The following TDRD6 variants were observed in gnomAD, a reference collection of about 807,000 sequenced individuals.
TDRD6 encodes tudor domain containing 6.
In TDRD6, 186 loss-of-function variants were observed where a neutral mutation model predicts 157.5. That is an observed-to-expected ratio of 1.18 (90% CI 1.05 to 1.33). The LOEUF is 1.33. Ranked by LOEUF, TDRD6 falls within the 40% of genes most tolerant of loss-of-function variation. TDRD6 has a pLI of 0.00. For synonymous variants in TDRD6, 1,075 were observed against 945.2 expected (o/e 1.14, Z -2.52); for missense variants, 3,066 against 2,508.0 (o/e 1.22, Z -4.75).
chr6:46,701,279 A>G (rs1013547077), intron 3 of TDRD6, among the ~76,000 whole-genome samples: 5 of 152,178 alleles, frequency 3.3e-5, no homozygotes, highest in Non-Finnish European at 7.4e-5. Flanking sequence ...AAATTTATTA[A>G]TTGAATTAAT....
In TDRD6 at chr6:46,703,694, T is replaced by C. The variant is rs774764265; in HGVS notation, c.*1807T>C. On this transcript the variant is annotated 3_prime_UTR_variant, in exon 4 of 4. Transcript: ENST00000316081. ...TTTTTACCTCCATTTAATCGTGTTA[T>C]TCTGTTTTACTACTACATATAGAAT... The C allele has an allele frequency of 5.3e-5, 8 of 152,122 alleles. No homozygotes were observed. Among genetic ancestry groups the C allele is most frequent in the Non-Finnish European group, 1.0e-4 (7 of 67,974 alleles). The allele number at this position is 152,122 out of a possible 1,614,324, so 9.4% of individuals were successfully genotyped here. A position where few individuals can be genotyped will look rare whatever the true frequency, so the allele number is the denominator to read the frequency against.
upstream of TDRD6, among the ~76,000 whole-genome samples, chr6:46,687,325 A>G (rs899249558): frequency 6.6e-6 from 1 of 152,196 alleles, no homozygotes; most frequent in Non-Finnish European, 1.5e-5. Flanking sequence ...AGGAACCCGT[A>G]TCAGCTAAGT....
At position 46,692,304 on chromosome 6, in the gene TDRD6, T is replaced by C. The variant is rs199632419; in HGVS notation, c.4176T>C (p.Asn1392=). The change falls in exon 1 of 4, where the codon AAT becomes AAC. Residue 1392 remains asparagine, a synonymous_variant. Transcript: ENST00000316081. Reference sequence around the variant, plus strand: ...CTGTGCAGTTTATAGATTATGGCAATGTTTCTGTGGTTCATACTAACAAAA... The same window carrying C: ...CTGTGCAGTTTATAGATTATGGCAACGTTTCTGTGGTTCATACTAACAAAA... ...LLSVQFIDYG[N]VSVVHTNKIG... 6.2e-7 allele frequency: 1 copy of C among 1,614,180 alleles called. No homozygotes were observed.
At chr6:46,684,365 T>TTGTGTGTGTG (rs56327636), upstream of TDRD6, among the ~76,000 whole-genome samples, 40 of 147,092 alleles carry the variant, frequency 2.7e-4, no homozygotes, top group South Asian at 3.5e-3. Flanking sequence ...AAGCACACAT[T>TTGTGTGTGTG]TGTGTGTGTG....
At position 46,692,220 on chromosome 6, in the gene TDRD6, A is replaced by G. The variant is rs1764351642; in HGVS notation, c.4092A>G (p.Pro1364=). ...GAGATATGATATGTGCTGTTTTCCCAGAAGATAATTTATGGTATCGTGCTG... is the reference window on the plus strand; with the variant it reads ...GAGATATGATATGTGCTGTTTTCCCGGAAGATAATTTATGGTATCGTGCTG... ...QRGDMICAVF[P]EDNLWYRAVI... The change falls in exon 1 of 4, where the codon CCA becomes CCG. Residue 1364 remains proline (P), a synonymous_variant. Coordinates refer to ENST00000316081, the MANE Select transcript of TDRD6 (RefSeq NM_001010870.3). 3.1e-6 allele frequency: 5 copies of G among 1,614,142 alleles called. No homozygotes were observed. Among genetic ancestry groups the G allele is most frequent in the Non-Finnish European group, 4.2e-6 (5 of 1,179,984 alleles).
rs775671840 is a variant in TDRD6 at position 46,688,900 on chromosome 6, C to T, written c.772C>T (p.Gln258Ter). The part of the protein sequence containing the change: ...LGVTEAVVIT[Q>*]VCHPHRIHCQ... ...CGTGACGGAGGCCGTGGTCATAACC[C>T]AAGTGTGCCATCCCCACCGCATTCA... Residue 258 changes from glutamine to a stop codon, truncating the protein, a stop_gained, in exon 1 of 4, where the codon CAA (glutamine) becomes TAA (stop). Coordinates refer to ENST00000316081, the MANE Select transcript of TDRD6 (RefSeq NM_001010870.3). LOFTEE classifies it high-confidence loss of function. 6.2e-7 allele frequency: 1 copy of T among 1,607,188 alleles called. No homozygotes were observed. The highest frequency in any genetic ancestry group is 8.5e-7 in the Non-Finnish European group (1 of 1,175,736).
rs1377948872 is a variant in TDRD6 at position 46,690,865 on chromosome 6, G to T, written c.2737G>T (p.Ala913Ser). The T allele has an allele frequency of 1.9e-6, 3 of 1,613,440 alleles. No individual in the cohort carries two copies. Among genetic ancestry groups the T allele is most frequent in the Non-Finnish European group, 1.7e-6 (2 of 1,179,878 alleles). The change falls in exon 1 of 4, where the codon GCA becomes TCA. Residue 913 changes from alanine (A) to serine (S), a missense_variant. Ala to Ser is a moderately conservative substitution (Grantham distance 99). Coordinates refer to ENST00000316081, the MANE Select transcript of TDRD6 (RefSeq NM_001010870.3). ...IQAFNEFIDN[A>S]WQKNLELKCT... ...AGCTTTCAATGAATTTATAGATAAT[G>T]CATGGCAAAAAAATCTAGAATTAAA... is the stretch of plus-strand genomic sequence containing the variant.
At position 46,692,229 on chromosome 6, in the gene TDRD6, T is replaced by G; in HGVS notation, c.4101T>G (p.Asn1367Lys). 1.2e-6 allele frequency: 2 copies of G among 1,614,102 alleles called. No homozygotes were observed. Among genetic ancestry groups the G allele is most frequent in the Non-Finnish European group, 1.7e-6 (2 of 1,179,992 alleles). The change falls in exon 1 of 4, where the codon AAT becomes AAG. Residue 1367 changes from asparagine to lysine, a missense_variant. Coordinates refer to ENST00000316081, the MANE Select transcript of TDRD6 (RefSeq NM_001010870.3). Reference sequence around the variant, plus strand: ...TATGTGCTGTTTTCCCAGAAGATAATTTATGGTATCGTGCTGTGATCAAGG... The same window carrying G: ...TATGTGCTGTTTTCCCAGAAGATAAGTTATGGTATCGTGCTGTGATCAAGG... ...DMICAVFPEDNLWYRAVIKEQ... is the reference protein window; with the variant it reads ...DMICAVFPEDKLWYRAVIKEQ...
rs202197519 is a variant in TDRD6 at position 46,689,777 on chromosome 6, A to G, written c.1649A>G (p.Asn550Ser). The G allele has an allele frequency of 2.1e-4, 332 of 1,614,042 alleles. No homozygotes were observed. The highest frequency in any genetic ancestry group is 2.6e-4 in the Non-Finnish European group (301 of 1,180,042). Residue 550 changes from asparagine to serine, a missense_variant, in exon 1 of 4, where the codon AAT becomes AGT. Physicochemically the swap from Asn to Ser is conservative, Grantham distance 46. Coordinates refer to ENST00000316081, the MANE Select transcript of TDRD6 (RefSeq NM_001010870.3). ...DDLCCVKWKE[N>S]GYYRAIVTKL... ...CTTTGCTGTGTCAAGTGGAAAGAAA[A>G]TGGTTATTATAGGGCCATAGTCACC...
rs747675927 is a variant in TDRD6 at position 46,690,092 on chromosome 6, A to C, written c.1964A>C (p.Asn655Thr). 6.2e-7 allele frequency: 1 copy of C among 1,613,996 alleles called. No homozygotes were observed. The highest frequency in any genetic ancestry group is 1.7e-5 in the Admixed American group (1 of 59,998). The change falls in exon 1 of 4, where the codon AAC (asparagine) becomes ACC (threonine). Residue 655 changes from asparagine to threonine, a missense_variant. By Grantham distance (65) the Asn-to-Thr change is moderately conservative. Transcript: ENST00000316081. ...ILDESRTGEE[N>T]ISKVIAQAGY... ...GACGAATCAAGAACAGGGGAAGAAA[A>C]CATTAGTAAGGTAATTGCCCAAGCT...
rs1221439239 is a variant in TDRD6, at chr6:46,690,803, G to A, written c.2675G>A (p.Gly892Asp). 5 of 1,613,902 alleles carry A rather than the reference G, an allele frequency of 3.1e-6. No homozygotes were observed. Among genetic ancestry groups the A allele is most frequent in the Non-Finnish European group, 4.2e-6 (5 of 1,180,004 alleles). ...CSLYNLIQPVGQNPFVWDVKA... is the reference protein window; with the variant it reads ...CSLYNLIQPVDQNPFVWDVKA... The stretch of plus-strand genomic sequence containing the variant: ...CTTTATAATTTAATTCAACCAGTTG[G>A]CCAGAATCCCTTTGTTTGGGATGTA... Residue 892 changes from glycine to aspartate, a missense_variant, in exon 1 of 4, where the codon GGC becomes GAC. By Grantham distance (94) the Gly-to-Asp change is moderately conservative (BLOSUM62 -1). Transcript: ENST00000316081.
At chr6:46,701,157 T>C in intron 3 of TDRD6, 1 of 247,798 alleles carries the variant, frequency 4.0e-6, no homozygotes, top group Non-Finnish European at 8.4e-6. Flanking sequence ...AAAAATGGTT[T>C]ATCAATTTCT....
Position 46,693,616 on chromosome 6 carries a change from C to G in TDRD6, c.5488C>G (p.Leu1830Val), listed in dbSNP as rs376371852. 6.2e-7 allele frequency: 1 copy of G among 1,614,028 alleles called. No homozygotes were observed. Among genetic ancestry groups the G allele is most frequent in the African/African-American group, 1.3e-5 (1 of 74,920 alleles). ...LPHANETKEI[L>V]ELNSLEVPLS... Reference sequence around the variant, plus strand: ...ACATGCTAATGAAACAAAGGAGATACTAGAACTGAATTCACTTGAGGTGCC... The same window carrying G: ...ACATGCTAATGAAACAAAGGAGATAGTAGAACTGAATTCACTTGAGGTGCC... Residue 1830 changes from leucine (L) to valine (V), a missense_variant, in exon 1 of 4, where the codon CTA (leucine) becomes GTA (valine). Leu to Val is a conservative substitution (Grantham distance 32). Transcript: ENST00000316081.
At position 46,690,239 on chromosome 6, in the gene TDRD6, GAGA is replaced by G. The variant is rs144670071; in HGVS notation, c.2114_2116del (p.Glu705del). ...AACAAAATACCTTTTGCCAAGACTG[GAGA>G]AGGAGAGCAGAAAGCCAAGAGAGAG... On this transcript the variant is annotated inframe_deletion, in exon 1 of 4. Coordinates refer to ENST00000316081, the MANE Select transcript of TDRD6 (RefSeq NM_001010870.3). 36,337 of 1,613,870 alleles carry G rather than the reference GAGA, an allele frequency of 0.023. 470 individuals are homozygous for G. The highest frequency in any genetic ancestry group is 0.027 in the Non-Finnish European group (32,113 of 1,180,010).
In TDRD6 at chr6:46,691,985, A is replaced by T; in HGVS notation, c.3857A>T (p.Asp1286Val). The T allele has an allele frequency of 6.2e-7, 1 of 1,613,966 alleles. No homozygotes were observed. Among genetic ancestry groups the T allele is most frequent in the Non-Finnish European group, 8.5e-7 (1 of 1,179,942 alleles). The change falls in exon 1 of 4, where the codon GAC becomes GTC. Residue 1286 changes from aspartate to valine, a missense_variant. Coordinates refer to ENST00000316081, the MANE Select transcript of TDRD6 (RefSeq NM_001010870.3). ...GAGAGAAAAATAGGAGATTCATGTG[A>T]CAAAGATTTGCCTCTGAAATTTTGT... ...LSERKIGDSC[D>V]KDLPLKFCEF...
In TDRD6 at chr6:46,695,450, G is replaced by T. The variant is rs549673791; in HGVS notation, c.6047-371G>T. On this transcript the variant is annotated intron_variant, in intron 1 of 3. Coordinates refer to ENST00000316081, the MANE Select transcript of TDRD6 (RefSeq NM_001010870.3). ...CATATTTAATAATAGTATTAACTCTGTGATAAGAATGTCTGCTCATTTGTA... is the reference window on the plus strand; with the variant it reads ...CATATTTAATAATAGTATTAACTCTTTGATAAGAATGTCTGCTCATTTGTA... Among the ~76,000 whole-genome samples the T allele has an allele frequency of 6.8e-4, 104 of 152,186 alleles. No individual in the cohort carries two copies. In the South Asian group the frequency reaches 0.021, roughly 31 times the overall value.
chr6:46,689,716 C>G lies in TDRD6; in HGVS notation c.1588C>G (p.Leu530Val), dbSNP rs1210684562. The G allele has an allele frequency of 7.4e-6, 12 of 1,614,206 alleles. No individual in the cohort carries two copies. Among genetic ancestry groups the G allele is most frequent in the Non-Finnish European group, 1.0e-5 (12 of 1,180,044 alleles). Residue 530 changes from leucine (L) to valine (V), a missense_variant, in exon 1 of 4, where the codon CTG becomes GTG. Coordinates refer to ENST00000316081, the MANE Select transcript of TDRD6 (RefSeq NM_001010870.3). ...TGGTTTCTATTCCTCTGCCAGTAAG[C>G]TGGATGGTGTAGTTTTGAAACCTGA... is the stretch of plus-strand genomic sequence containing the variant. Reference protein sequence around the residue: ...MCGFYSSASKLDGVVLKPEPD... With the variant: ...MCGFYSSASKVDGVVLKPEPD...
chr6:46,695,592 G>T (rs144597142), intron 1 of TDRD6, among the ~76,000 whole-genome samples: 1 of 152,044 alleles, frequency 6.6e-6, no homozygotes, highest in East Asian at 1.9e-4. Flanking sequence ...CATCCTTGTG[G>T]TGATTTTTTG....
chr6:46,680,358 A>C, the TDRD6 span, among the ~76,000 whole-genome samples: 1 of 152,036 alleles, frequency 6.6e-6, no homozygotes, highest in Non-Finnish European at 1.5e-5. Context: ...AGCTGAAGTG[A>C]TTGAACTCTA....
Sources: allele counts gnomAD v4.1 joint callset (sites outside exome capture counted in the v4.1 genomes callset), GRCh38; gene constraint gnomAD v4.1.1; transcripts MANE v1.5; gene names NCBI Gene and HGNC (gene_info 2026-07-23, HGNC 2026-07-21).